POLN: variants seen among roughly 807,000 people sequenced by gnomAD.
POLN encodes the protein DNA polymerase nu, also known as DNA polymerase N.
Under a neutral mutation model 113.5 loss-of-function variants are expected in POLN, and 108 were observed. The ratio of observed to expected loss-of-function variants is 0.95; its 90% CI spans 0.81 to 1.12. The LOEUF (loss-of-function observed/expected upper bound fraction) is 1.12. Among genes scored for constraint, POLN ranks in the 50% most tolerant of loss-of-function variants. The pLI is 0.00. For missense variants in POLN, 1,097 were observed against 1,077.1 expected (o/e 1.02, Z -0.26); for synonymous variants, 386 against 391.5 (o/e 0.99, Z 0.17).
Position 2,156,836 on chromosome 4 carries a change from T to G in POLN, c.1683A>C (p.Thr561=). 1 of 1,612,456 alleles carries G rather than the reference T, an allele frequency of 6.2e-7. No individual in the cohort carries two copies. Among genetic ancestry groups the G allele is most frequent in the South Asian group, 1.1e-5 (1 of 91,048 alleles). The change falls in exon 16 of 26, where the codon ACA becomes ACC. Residue 561 remains threonine, a synonymous_variant. Transcript: ENST00000511885. ...ACMKKGSISS[T]WNQTGTVTGR... is the part of the protein sequence containing the mutation. ...CAGTCACAGTTCCAGTCTGATTCCA[T>G]GTAGAGGAAATGGAGCCCTTTATTA...
chr4:2,233,028 G>A (rs1734638285), intron 2 of POLN, among the ~76,000 whole-genome samples: 1 of 152,162 alleles, frequency 6.6e-6, no homozygotes, highest in South Asian at 2.1e-4. Flanking sequence ...CTAGGAACCT[G>A]CGTTTTGATA....
chr4:2,129,582 G>T (rs1731669754), intron 17 of POLN, among the ~76,000 whole-genome samples: 1 of 152,082 alleles, frequency 6.6e-6, no homozygotes, highest in Non-Finnish European at 1.5e-5. Flanking sequence ...TAGAGACAGG[G>T]TCTCACTATG....
chr4:2,112,059 C>T (rs1731207778), intron 19 of POLN, among the ~76,000 whole-genome samples: 1 of 152,152 alleles, frequency 6.6e-6, no homozygotes, highest in Non-Finnish European at 1.5e-5. Flanking sequence ...TGGAACAGAA[C>T]AGAGCCCTCA....
At chr4:2,183,025 A>G (rs887206669) in intron 7 of POLN, among the ~76,000 whole-genome samples, 1 of 152,252 alleles carries the variant, frequency 6.6e-6, no homozygotes, top group Non-Finnish European at 1.5e-5. Flanking sequence ...CCAAAAAAAG[A>G]TATAAAAGTG....
chr4:2,239,973 A>G, intron 2 of POLN: 1 of 1,250,478 alleles, frequency 8.0e-7, no homozygotes, highest in Non-Finnish European at 1.1e-6. Context: ...CTTTAACAGC[A>G]ATATTATCTC....
At position 2,240,391 on chromosome 4, in the gene POLN, C is replaced by A. The variant is rs759453196; in HGVS notation, c.-13+1129G>T. ...AATACCAGTGGATTTGTCCCTTGAC[C>A]TAAATTAGAATGTCTGAAGAACATC... On this transcript the variant is annotated intron_variant, in intron 2 of 25. Coordinates refer to ENST00000511885, the MANE Select transcript of POLN (RefSeq NM_181808.4). 1.9e-6 allele frequency: 3 copies of A among 1,610,910 alleles called. No individual in the cohort carries two copies. The African/African-American group carries it at 4.0e-5, about 22-fold the overall frequency.
rs1156832125 is a variant in POLN at position 2,174,675 on chromosome 4, C to T, written c.1309+16G>A. The T allele has an allele frequency of 6.3e-7, 1 of 1,593,522 alleles. No individual in the cohort carries two copies. On this transcript the variant is annotated intron_variant, in intron 10 of 25. Coordinates refer to ENST00000511885, the MANE Select transcript of POLN (RefSeq NM_181808.4). ...CTCTAGAAAAATGGCTGTACTTCATCTTTATGGTAACTTACCTGCCAAAAT... is the reference window on the plus strand; with the variant it reads ...CTCTAGAAAAATGGCTGTACTTCATTTTTATGGTAACTTACCTGCCAAAAT...
intron 2 of POLN, chr4:2,231,975 C>T: frequency 2.0e-6 from 3 of 1,472,724 alleles, no homozygotes; most frequent in South Asian, 1.2e-5. Context: ...TTTCTAAATT[C>T]TCCACAATAT....
intron 24 of POLN, among the ~76,000 whole-genome samples, chr4:2,074,898 C>T (rs1453384944): frequency 2.0e-5 from 3 of 152,146 alleles, no homozygotes; most frequent in African/African-American, 7.2e-5. Context: ...GAAAGAACCC[C>T]TTGGGCTGAC....
At chr4:2,206,452 T>C (rs892233468) in intron 5 of POLN, among the ~76,000 whole-genome samples, 1 of 151,982 alleles carries the variant, frequency 6.6e-6, no homozygotes, top group African/African-American at 2.4e-5. Flanking sequence ...GTCAGCAGAG[T>C]AAACAGACAA....
chr4:2,179,645 C>T (rs1363455059), intron 7 of POLN, among the ~76,000 whole-genome samples, 180 bp from the exon 8 acceptor site: 2 of 152,094 alleles, frequency 1.3e-5, no homozygotes, highest in Non-Finnish European at 2.9e-5. Flanking sequence ...GATAAGGCAG[C>T]CTCGATGAAC....
At chr4:2,181,425 C>T (rs952000961) in intron 7 of POLN, among the ~76,000 whole-genome samples, 7 of 151,528 alleles carry the variant, frequency 4.6e-5, no homozygotes, top group Non-Finnish European at 5.9e-5. Context: ...GGATTACAGG[C>T]GTAAGCCACT....
intron 5 of POLN, among the ~76,000 whole-genome samples, chr4:2,202,746 A>AAT (rs1415936490): frequency 4.0e-5 from 6 of 151,320 alleles, no homozygotes; most frequent in African/African-American, 1.5e-4. Context: ...AAAAAAAAAA[A>AAT]AGACAAACAG....
At chr4:2,232,069 CTTT>C in intron 2 of POLN, 2 of 1,596,706 alleles carry the variant, frequency 1.3e-6, no homozygotes, top group Non-Finnish European at 1.7e-6. Context: ...CAAAGTTTTT[CTTT>C]TTGTCTTCAC....
At chr4:2,190,917 T>C (rs1010794447) in intron 7 of POLN, among the ~76,000 whole-genome samples, 1 of 152,182 alleles carries the variant, frequency 6.6e-6, no homozygotes. Context: ...TCATACACTA[T>C]TGGTAGGAAA....
chr4:2,084,337 G>A (rs147825418), intron 21 of POLN, among the ~76,000 whole-genome samples: 29 of 152,176 alleles, frequency 1.9e-4, no homozygotes, highest in Non-Finnish European at 3.5e-4. Context: ...CTGTCTCTGC[G>A]CAGGTCGCCA....
In POLN at chr4:2,207,975, C is replaced by T. The variant is rs34248490; in HGVS notation, c.714+12G>A. On this transcript the variant is annotated intron_variant, in intron 5 of 25. Transcript: ENST00000511885. ...GTCAAGACAGCAAATAAAAACATCA[C>T]TGTTTACTAACCTGGTCAGCTCCTA... 15 of 1,569,288 alleles carry T rather than the reference C, an allele frequency of 9.6e-6. No individual in the cohort carries two copies. In the East Asian group the frequency reaches 3.4e-4, roughly 35 times the overall value.
At chr4:2,165,450 G>A (rs1404408348) in intron 13 of POLN, among the ~76,000 whole-genome samples, 2 of 152,206 alleles carry the variant, frequency 1.3e-5, no homozygotes, top group East Asian at 3.8e-4. Context: ...CAGAGCACAG[G>A]ATTTTTAGGG....
chr4:2,149,176 C>T (rs1323513408), intron 16 of POLN, among the ~76,000 whole-genome samples: 2 of 152,076 alleles, frequency 1.3e-5, no homozygotes, highest in Non-Finnish European at 2.9e-5. Flanking sequence ...CGCCTGTAGT[C>T]CCAGCTACTT....
Sources: allele counts gnomAD v4.1 joint callset (sites outside exome capture counted in the v4.1 genomes callset), GRCh38; gene constraint gnomAD v4.1.1; transcripts MANE v1.5; gene names NCBI Gene and HGNC (gene_info 2026-07-23, HGNC 2026-07-21).